The following TBCD variants were observed in gnomAD, a reference collection of about 807,000 sequenced individuals.
The protein encoded by TBCD is tubulin folding cofactor D, also known as tubulin-specific chaperone D.
Under a neutral mutation model 169.3 loss-of-function variants are expected in TBCD, and 105 were observed. The observed-to-expected ratio is 0.62, with a 90% CI of 0.53 to 0.73. The LOEUF is 0.73. TBCD is among the 30% of genes least tolerant of loss of function. TBCD has a pLI of 0.00. For synonymous variants in TBCD, 700 were observed against 643.9 expected (o/e 1.09, Z -1.32); for missense variants, 1,444 against 1,600.1 (o/e 0.90, Z 1.66).
At chr17:82,895,674 C>T (rs1253595466) in intron 17 of TBCD, among the ~76,000 whole-genome samples, 16 of 152,126 alleles carry the variant, frequency 1.1e-4, no homozygotes, top group Non-Finnish European at 4.4e-5. Flanking sequence ...CAGAGGGTCT[C>T]AGAGCTGTGT....
chr17:82,773,978 C>T (rs2048434428), intron 6 of TBCD, among the ~76,000 whole-genome samples: 1 of 151,664 alleles, frequency 6.6e-6, no homozygotes, highest in African/African-American at 2.4e-5. Flanking sequence ...ATCCGCCCAC[C>T]TCGGCCTCCC....
At chr17:82,932,856 G>A in intron 34 of TBCD, 121 bp downstream of exon 34, 1 of 919,550 alleles carries the variant, frequency 1.1e-6, no homozygotes, top group Non-Finnish European at 1.7e-6. Context: ...TGCGTTCTGG[G>A]TCAGTTATGG....
chr17:82,922,510 C>T lies in TBCD; in HGVS notation c.2178+933C>T, dbSNP rs145829978. Among the ~76,000 whole-genome samples the T allele has an allele frequency of 1.3e-5, 2 of 152,280 alleles. No individual in the cohort carries two copies. The highest frequency in any genetic ancestry group is 2.9e-5 in the Non-Finnish European group (2 of 68,024). On this transcript the variant is annotated intron_variant, in intron 25 of 38. Transcript: ENST00000355528. This position sits in a 1 kb window ranked among gnomAD's most constrained non-coding sequence, Gnocchi z 4.1. Reference sequence around the variant, plus strand: ...CTTAGCATTTCTTTTTCCTTAGCATCTTCAATTTTCTTATTTTTTTTTTCT... The same window carrying T: ...CTTAGCATTTCTTTTTCCTTAGCATTTTCAATTTTCTTATTTTTTTTTTCT...
intron 2 of TBCD, among the ~76,000 whole-genome samples, chr17:82,759,777 AT>A (rs1372420189): frequency 6.6e-6 from 1 of 151,980 alleles, no homozygotes; most frequent in African/African-American, 2.4e-5. Context: ...TTGAAATGCC[AT>A]TTTAAATCTA....
chr17:82,767,780 C>G (rs1363424710), intron 4 of TBCD, among the ~76,000 whole-genome samples: 2 of 152,028 alleles, frequency 1.3e-5, no homozygotes, highest in Non-Finnish European at 2.9e-5. Flanking sequence ...CACGGTGCAA[C>G]CCTGTGTCTA....
At chr17:82,871,711 C>T (rs967641505) in intron 14 of TBCD, among the ~76,000 whole-genome samples, 3 of 152,222 alleles carry the variant, frequency 2.0e-5, no homozygotes, top group African/African-American at 7.2e-5. Context: ...GGCTACTGTG[C>T]TGGGTCCCCT....
chr17:82,848,330 G>C (rs1567883354), intron 13 of TBCD, among the ~76,000 whole-genome samples: 1 of 150,572 alleles, frequency 6.6e-6, no homozygotes, highest in African/African-American at 2.5e-5. Context: ...TGGCGCTGCG[G>C]CTTCTGTGTT....
intron 7 of TBCD, among the ~76,000 whole-genome samples, chr17:82,790,667 G>A (rs796216625): frequency 6.6e-5 from 10 of 152,336 alleles, no homozygotes; most frequent in South Asian, 2.1e-4. Flanking sequence ...CAGCAGCGCC[G>A]TCCGGGGGAG....
chr17:82,887,171 G>GCGCA (rs2058801981), intron 15 of TBCD, among the ~76,000 whole-genome samples: 1 of 66,310 alleles, frequency 1.5e-5, no homozygotes, highest in African/African-American at 9.7e-5. Context: ...GTGTGTGTGC[G>GCGCA]CGCGCGCGCA....
At position 82,832,100 on chromosome 17, in the gene TBCD, C is replaced by T. The variant is rs367582658; in HGVS notation, c.1318+17166C>T. 6.2e-7 allele frequency: 1 copy of T among 1,614,220 alleles called. No individual in the cohort carries two copies. Among genetic ancestry groups the T allele is most frequent in the Non-Finnish European group, 8.5e-7 (1 of 1,180,032 alleles). ...CCCAGGCACCTGTGGGTTCCCCGGG[C>T]TTGCAGCTCCAGGTTTTCCTTGATG... On this transcript the variant is annotated intron_variant, in intron 13 of 38. Transcript: ENST00000355528. The surrounding 1 kb of genome is among the most constrained non-coding windows in gnomAD (Gnocchi z 4.9).
At chr17:82,830,358 G>A in intron 13 of TBCD, 1 of 1,613,328 alleles carries the variant, frequency 6.2e-7, no homozygotes. Flanking sequence ...CATCCCCATC[G>A]CCCACCCGGA....
chr17:82,865,488 C>T lies in TBCD; in HGVS notation c.1319-4736C>T, dbSNP rs2057103606. The T allele has an allele frequency of 8.1e-6, 8 of 985,352 alleles. No individual in the cohort carries two copies. The South Asian group carries it at 3.3e-4, about 41-fold the overall frequency. The allele number at this position is 985,352 out of a possible 1,614,324, so 61.0% of individuals were successfully genotyped here. A position where few individuals can be genotyped will look rare whatever the true frequency, so the allele number is the denominator to read the frequency against. Reference sequence around the variant, plus strand: ...CTCTCTGGGCTATGTGGGAGGTGCCCACGTTTCCACGCCTTCCTCGTGGAG... The same window carrying T: ...CTCTCTGGGCTATGTGGGAGGTGCCTACGTTTCCACGCCTTCCTCGTGGAG... On this transcript the variant is annotated intron_variant, in intron 13 of 38. Coordinates refer to ENST00000355528, the MANE Select transcript of TBCD (RefSeq NM_005993.5).
In TBCD at chr17:82,926,456, T is replaced by G; in HGVS notation, c.2436T>G (p.Ala812=). Residue 812 remains alanine (A), a synonymous_variant, in exon 28 of 39, where the codon GCT becomes GCG. Coordinates refer to ENST00000355528, the MANE Select transcript of TBCD (RefSeq NM_005993.5). ...CTTCCCCCGAGGACGTAAGTTTTGC[T>G]GAGTCCAGGAGAGACGGCTTGAAGG... ...THTSPEDVSF[A]ESRRDGLKAI... is the part of the protein sequence containing the mutation. 6.2e-7 allele frequency: 1 copy of G among 1,614,042 alleles called. No individual in the cohort carries two copies. The highest frequency in any genetic ancestry group is 1.1e-5 in the South Asian group (1 of 91,084).
chr17:82,845,225 G>A (rs548972713), intron 13 of TBCD, among the ~76,000 whole-genome samples: 12 of 152,262 alleles, frequency 7.9e-5, no homozygotes, highest in African/African-American at 2.9e-4. Flanking sequence ...TGGCCGGCTC[G>A]GCCCCTTCCT....
At chr17:82,846,635 C>G (rs2145567880) in intron 13 of TBCD, among the ~76,000 whole-genome samples, 1 of 152,312 alleles carries the variant, frequency 6.6e-6, no homozygotes, top group African/African-American at 2.4e-5. Context: ...CTAGGCCCTG[C>G]CTTCGGGTTG....
At chr17:82,777,986 TG>T (rs1290403404) in intron 6 of TBCD, among the ~76,000 whole-genome samples, 3 of 152,254 alleles carry the variant, frequency 2.0e-5, no homozygotes, top group African/African-American at 7.2e-5. Context: ...AGCCCTCTGG[TG>T]GCCCTGTCTG....
At chr17:82,936,219 G>A (rs1221429845) in intron 34 of TBCD, among the ~76,000 whole-genome samples, 5 of 152,180 alleles carry the variant, frequency 3.3e-5, no homozygotes, top group African/African-American at 7.2e-5. Context: ...CCTTTGGCCC[G>A]CCTGCCAGCT....
chr17:82,794,956 C>T (rs1047116498), intron 7 of TBCD, among the ~76,000 whole-genome samples: 2 of 152,206 alleles, frequency 1.3e-5, no homozygotes, highest in Non-Finnish European at 1.5e-5. Context: ...CAGATGGTGG[C>T]GGGCCCTGGC....
intron 7 of TBCD, among the ~76,000 whole-genome samples, chr17:82,794,265 A>G (rs560430719): frequency 1.3e-5 from 2 of 151,676 alleles, no homozygotes; most frequent in African/African-American, 2.4e-5. Context: ...AGGGGGGGGA[A>G]GCTGGCTCGC....
Sources: allele counts gnomAD v4.1 joint callset (sites outside exome capture counted in the v4.1 genomes callset), GRCh38; gene constraint gnomAD v4.1.1; non-coding constraint Gnocchi (gnomAD v3.1); transcripts MANE v1.5; gene names NCBI Gene and HGNC (gene_info 2026-07-23, HGNC 2026-07-21).